The following HIVEP3 variants were observed in gnomAD, a reference collection of about 807,000 sequenced individuals.
The protein encoded by HIVEP3 is transcription factor HIVEP3.
In HIVEP3, 49 loss-of-function variants were observed where a neutral mutation model predicts 152.8. The ratio of observed to expected loss-of-function variants is 0.32; its 90% CI spans 0.26 to 0.41. The LOEUF (loss-of-function observed/expected upper bound fraction) is 0.41. HIVEP3 is among the 10% of genes least tolerant of loss of function. The pLI, the probability that HIVEP3 is intolerant of heterozygous loss-of-function variation, is 1.00. For missense variants in HIVEP3, 2,790 were observed against 3,103.3 expected (o/e 0.90, Z 2.40); for synonymous variants, 1,269 against 1,289.0 (o/e 0.98, Z 0.33).
chr1:42,020,139 A>G (rs1645545422), intron 1 of HIVEP3, among the ~76,000 whole-genome samples: 1 of 152,042 alleles, frequency 6.6e-6, no homozygotes, highest in South Asian at 2.1e-4. Context: ...ATCTATGTCC[A>G]GGAGAGTTTG....
At chr1:41,541,954 C>T (rs1018068635) in intron 5 of HIVEP3, 1 of 152,200 alleles carries the variant, frequency 6.6e-6, no homozygotes, top group South Asian at 2.1e-4. Context: ...AGCATATGCT[C>T]CAAGAGGTGT....
At position 41,584,264 on chromosome 1, in the gene HIVEP3, C is replaced by T; in HGVS notation, c.534G>A (p.Glu178=). The T allele has an allele frequency of 6.2e-7, 1 of 1,613,524 alleles. No homozygotes were observed. The highest frequency in any genetic ancestry group is 8.5e-7 in the Non-Finnish European group (1 of 1,179,666). ...PSQVSLKPTE[E]AHKKERKPQK... is the part of the protein sequence containing the mutation. ...GGGGCTTCCTCTCCTTCTTGTGTGC[C>T]TCTTCTGTGGGCTTCAAGGAGACCT... The change falls in exon 4 of 9, where the codon GAG becomes GAA. Residue 178 remains glutamate, a synonymous_variant. Transcript: ENST00000372583. The surrounding 1 kb of genome is among the most constrained non-coding windows in gnomAD (Gnocchi z 5.2).
intron 1 of HIVEP3, among the ~76,000 whole-genome samples, chr1:41,805,712 A>T (rs2124319204): frequency 6.6e-6 from 1 of 152,366 alleles, no homozygotes; most frequent in South Asian, 2.1e-4. Flanking sequence ...CTTCCATTTT[A>T]AAATGAGAAC....
At chr1:41,652,922 C>T (rs1209534662) in intron 2 of HIVEP3, among the ~76,000 whole-genome samples, 1 of 152,112 alleles carries the variant, frequency 6.6e-6, no homozygotes, top group Admixed American at 6.5e-5. Flanking sequence ...TGGTTACCCT[C>T]GTCTCAATGA....
chr1:41,570,592 A>G (rs1302270517), intron 5 of HIVEP3, among the ~76,000 whole-genome samples: 1 of 152,056 alleles, frequency 6.6e-6, no homozygotes, highest in Non-Finnish European at 1.5e-5. Context: ...TTTATAAATT[A>G]CCCAGTCTTG....
At chr1:41,857,760 G>A (rs907314385) in intron 1 of HIVEP3, among the ~76,000 whole-genome samples, 1 of 152,214 alleles carries the variant, frequency 6.6e-6, no homozygotes. Context: ...AGAGGTAGGG[G>A]TGAGACTCAA....
intron 3 of HIVEP3, among the ~76,000 whole-genome samples, chr1:41,593,069 T>C (rs1644611477): frequency 6.6e-6 from 1 of 152,240 alleles, no homozygotes; most frequent in Non-Finnish European, 1.5e-5. Flanking sequence ...CCTAGTTTTG[T>C]CGAGACCAGA....
At chr1:41,821,596 A>C (rs1642603512) in intron 1 of HIVEP3, among the ~76,000 whole-genome samples, 1 of 152,194 alleles carries the variant, frequency 6.6e-6, no homozygotes, top group Admixed American at 6.5e-5. Flanking sequence ...TCCACAATCC[A>C]AAAGTCCTCC....
At chr1:41,978,429 G>A (rs1645273190) in intron 1 of HIVEP3, among the ~76,000 whole-genome samples, 1 of 152,200 alleles carries the variant, frequency 6.6e-6, no homozygotes, top group South Asian at 2.1e-4. Context: ...ATAAGAAGAG[G>A]AGGAGACACC....
intron 2 of HIVEP3, among the ~76,000 whole-genome samples, chr1:41,700,245 C>T (rs558941478): frequency 6.6e-6 from 1 of 152,266 alleles, no homozygotes; most frequent in African/African-American, 2.4e-5. Context: ...TGCCTCAGTG[C>T]CCAGCACAGA....
intron 2 of HIVEP3, among the ~76,000 whole-genome samples, chr1:41,639,262 C>T (rs1372541369): frequency 6.6e-6 from 1 of 152,140 alleles, no homozygotes; most frequent in African/African-American, 2.4e-5. Flanking sequence ...GGGATACTGG[C>T]AAAGGGGTGG....
At chr1:42,010,460 C>T (rs1645486671) in intron 1 of HIVEP3, among the ~76,000 whole-genome samples, 1 of 152,110 alleles carries the variant, frequency 6.6e-6, no homozygotes, top group East Asian at 1.9e-4. Flanking sequence ...AATGTGAGGG[C>T]TGACTCTAGC....
At chr1:41,714,596 G>A (rs1303966739) in intron 1 of HIVEP3, among the ~76,000 whole-genome samples, 3 of 152,186 alleles carry the variant, frequency 2.0e-5, no homozygotes, top group Admixed American at 1.3e-4. Context: ...AGCCAGGTCA[G>A]GGGACACAGA....
intron 1 of HIVEP3, among the ~76,000 whole-genome samples, chr1:41,949,748 G>A (rs540867035): frequency 3.3e-5 from 5 of 152,030 alleles, no homozygotes; most frequent in Non-Finnish European, 5.9e-5. Context: ...TTCCAGAATC[G>A]AAGCTGTGAA....
intron 1 of HIVEP3, among the ~76,000 whole-genome samples, chr1:41,959,060 G>A (rs1645155601): frequency 6.6e-6 from 1 of 152,198 alleles, no homozygotes; most frequent in East Asian, 1.9e-4. Flanking sequence ...CTTATGCAAT[G>A]GCTCATGAAT....
intron 3 of HIVEP3, among the ~76,000 whole-genome samples, chr1:41,625,198 C>T (rs904293342): frequency 4.1e-4 from 57 of 139,976 alleles, no homozygotes; most frequent in African/African-American, 1.5e-3. Context: ...AAAAAGAATT[C>T]CTTAATACTT....
intron 1 of HIVEP3, among the ~76,000 whole-genome samples, chr1:41,731,898 T>C (rs1038043505): frequency 1.3e-5 from 2 of 152,246 alleles, no homozygotes; most frequent in African/African-American, 2.4e-5. Flanking sequence ...ATTTACCACA[T>C]GCAATAGATA....
chr1:41,776,077 A>G (rs1162388267), intron 1 of HIVEP3, among the ~76,000 whole-genome samples: 1 of 152,208 alleles, frequency 6.6e-6, no homozygotes, highest in Non-Finnish European at 1.5e-5. Context: ...CTGAAATAAC[A>G]ATAATAAAAG....
intron 6 of HIVEP3, among the ~76,000 whole-genome samples, chr1:41,524,400 A>G (rs1293948488): frequency 6.6e-6 from 1 of 152,112 alleles, no homozygotes; most frequent in Non-Finnish European, 1.5e-5. Context: ...GGCTCAGGAG[A>G]CATGCAGAAG....
Sources: gnomAD v4.1 joint callset for allele counts (sites outside exome capture counted in the v4.1 genomes callset) on GRCh38, gnomAD v4.1.1 for gene constraint, Gnocchi (gnomAD v3.1) non-coding constraint, MANE v1.5 for transcripts, NCBI Gene and HGNC (gene_info 2026-07-23, HGNC 2026-07-21) for gene names.